Variants in A2ML1 observed in about 807,000 individuals in gnomAD.
A2ML1 encodes the protein alpha-2-macroglobulin-like protein 1.
Under a neutral mutation model 181.9 loss-of-function variants are expected in A2ML1, and 161 were observed. The ratio of observed to expected loss-of-function variants is 0.89; its 90% confidence interval spans 0.78 to 1.01. The LOEUF is 1.01. Ranked by LOEUF, A2ML1 falls within the 50% of genes least tolerant of loss-of-function variation. A2ML1 has a pLI of 0.00. For missense variants in A2ML1, 1,670 were observed against 1,768.1 expected (o/e 0.94, Z 1.00); for synonymous variants, 663 against 666.8 (o/e 0.99, Z 0.09).
chr12:8,837,647 C>G, intron 8 of A2ML1, 81 bp downstream of exon 8: 1 of 1,427,148 alleles, frequency 7.0e-7, no homozygotes, highest in Non-Finnish European at 9.4e-7. Context: ...TTTGGGAGGC[C>G]GAGATGGGCG....
intron 26 of A2ML1, 105 bp downstream of exon 26, chr12:8,858,207 C>A: frequency 7.5e-7 from 1 of 1,337,866 alleles, no homozygotes; most frequent in Non-Finnish European, 1.0e-6. Flanking sequence ...CAGTTTTCTC[C>A]TGATCTCCAC....
intron 11 of A2ML1, among the ~76,000 whole-genome samples, 179 bp downstream of exon 11, chr12:8,841,715 A>C (rs1196264276): frequency 6.6e-6 from 1 of 152,180 alleles, no homozygotes; most frequent in African/African-American, 2.4e-5. Context: ...AATATCAATC[A>C]AATAAATAGT....
rs1051881399 is a variant in A2ML1 at position 8,823,246 on chromosome 12, C to T, written c.127C>T (p.Leu43=). 2.5e-6 allele frequency: 4 copies of T among 1,614,118 alleles called. No individual in the cohort carries two copies. Among genetic ancestry groups the T allele is most frequent in the Non-Finnish European group, 3.4e-6 (4 of 1,180,026 alleles). ...CTCCGTTCAGAAGGTTTGTTTGGACCTGAGCCCTGGGTACAGTGATGTTAA... is the reference window on the plus strand; with the variant it reads ...CTCCGTTCAGAAGGTTTGTTTGGACTTGAGCCCTGGGTACAGTGATGTTAA... ...FPSVQKVCLD[L]SPGYSDVKFT... is the part of the protein sequence containing the mutation. Residue 43 remains leucine, a synonymous_variant, in exon 2 of 36, where the codon CTG becomes TTG. Transcript: ENST00000299698.
At chr12:8,837,804 C>T (rs1381670959) in intron 8 of A2ML1, among the ~76,000 whole-genome samples, 8 of 150,842 alleles carry the variant, frequency 5.3e-5, no homozygotes, top group Non-Finnish European at 5.9e-5. Flanking sequence ...CACTTGAACC[C>T]GGGAGGCGGA....
At position 8,843,369 on chromosome 12, in the gene A2ML1, C is replaced by G. The variant is rs75676135; in HGVS notation, c.1476+8C>G. The stretch of plus-strand genomic sequence containing the variant: ...ATCAGCTTCTCCTACTATGTGAGAC[C>G]GGGAAACGGGGACGGGTGAGAGTAT... On this transcript the variant is annotated splice_region_variant and intron_variant, in intron 12 of 35. Coordinates refer to ENST00000299698, the MANE Select transcript of A2ML1 (RefSeq NM_144670.6). The G allele has an allele frequency of 4.1e-4, 665 of 1,611,082 alleles. 5 individuals carry two copies. In the East Asian group the frequency reaches 0.012, roughly 30 times the overall value.
At chr12:8,849,640 T>C (rs781061749) in intron 16 of A2ML1, 29 bp from the exon 17 acceptor site, 1 of 1,594,246 alleles carries the variant, frequency 6.3e-7, no homozygotes, top group South Asian at 1.1e-5. Context: ...AGGGACCACC[T>C]TAATACTTAT....
At chr12:8,823,502 C>T in intron 2 of A2ML1, 137 bp downstream of exon 2, 7 of 1,130,272 alleles carry the variant, frequency 6.2e-6, no homozygotes, top group Non-Finnish European at 8.7e-6. Flanking sequence ...AACTTAACCT[C>T]AATCCCCGGC....
At position 8,836,254 on chromosome 12, in the gene A2ML1, G is replaced by A. The variant is rs770435207; in HGVS notation, c.644-1G>A. 2 of 1,613,786 alleles carry A rather than the reference G, an allele frequency of 1.2e-6. No individual in the cohort carries two copies. Among genetic ancestry groups the A allele is most frequent in the Non-Finnish European group, 1.7e-6 (2 of 1,179,812 alleles). The stretch of plus-strand genomic sequence containing the variant: ...TCCATTTCTCCTTTTACTCTCTTCA[G>A]TGCTGCCGAAGTTTAAGGTGGAAGT... On this transcript the variant is annotated splice_acceptor_variant, in intron 6 of 35. Transcript: ENST00000299698. LOFTEE classifies it high-confidence loss of function.
At chr12:8,858,362 C>T (rs997007079) in intron 26 of A2ML1, 17 of 325,502 alleles carry the variant, frequency 5.2e-5, no homozygotes, top group East Asian at 3.7e-4. Flanking sequence ...GCGGGCAGAT[C>T]GTTTGGGCCC....
intron 23 of A2ML1, among the ~76,000 whole-genome samples, chr12:8,856,179 T>C (rs758340814): frequency 6.6e-6 from 1 of 152,318 alleles, no homozygotes; most frequent in Admixed American, 6.5e-5. Context: ...ATATCTAGCA[T>C]GTAGTAGGAG....
chr12:8,837,663 C>T (rs1037089059), intron 8 of A2ML1, 97 bp downstream of exon 8: 34 of 1,360,178 alleles, frequency 2.5e-5, no homozygotes, highest in Admixed American at 1.4e-4. Context: ...GGGCGGATCA[C>T]GAGGTCAGGA....
rs984025359 is a variant in A2ML1 at position 8,852,577 on chromosome 12, A to T, written c.2590+241A>T. ...GAGAGCTTTTAATATTTATAGCTGG[A>T]CAAGGAATACATGGTCATGTAACTA... On this transcript the variant is annotated intron_variant, in intron 20 of 35. Coordinates refer to ENST00000299698, the MANE Select transcript of A2ML1 (RefSeq NM_144670.6). This position sits in a 1 kb window ranked among gnomAD's most constrained non-coding sequence, Gnocchi z 4.2. Among the ~76,000 whole-genome samples, 1 of 152,254 alleles carries T rather than the reference A, an allele frequency of 6.6e-6. No individual in the cohort carries two copies. Among genetic ancestry groups the T allele is most frequent in the African/African-American group, 2.4e-5 (1 of 41,468 alleles).
At chr12:8,823,652 G>T in intron 2 of A2ML1, 68 bp from the exon 3 acceptor site, 1 of 1,535,560 alleles carries the variant, frequency 6.5e-7, no homozygotes, top group Non-Finnish European at 8.8e-7. Context: ...CTCACTGTTG[G>T]GTTGAGACCA....
intron 13 of A2ML1, 34 bp from the exon 14 acceptor site, chr12:8,846,043 C>T: frequency 6.2e-7 from 1 of 1,611,234 alleles, no homozygotes. Context: ...AATGTGCATT[C>T]TGATTTTCCT....
chr12:8,859,659 A>C (rs866824901), intron 26 of A2ML1, among the ~76,000 whole-genome samples: 2 of 151,484 alleles, frequency 1.3e-5, no homozygotes, highest in Non-Finnish European at 2.9e-5. Context: ...TGCAACCTCT[A>C]CCTCCTGGGT....
intron 17 of A2ML1, 48 bp downstream of exon 17, chr12:8,849,807 T>G: frequency 1.3e-6 from 2 of 1,558,448 alleles, no homozygotes; most frequent in Non-Finnish European, 1.8e-6. Flanking sequence ...TTAACAGTCC[T>G]GGAACTCTGC....
downstream of A2ML1, among the ~76,000 whole-genome samples, chr12:8,881,629 T>C (rs1944871429): frequency 6.6e-6 from 1 of 152,240 alleles, no homozygotes; most frequent in Non-Finnish European, 1.5e-5. Context: ...TGGACTGGCA[T>C]ATTTTGATCC....
chr12:8,882,469 C>T (rs967851050), intron 7 of A2ML1, among the ~76,000 whole-genome samples: 11 of 152,340 alleles, frequency 7.2e-5, no homozygotes, highest in Middle Eastern at 3.4e-3. Context: ...AGAGAACTTT[C>T]TATCCTTCTT....
At chr12:8,863,104 CTTTT>C (rs10572999) in intron 28 of A2ML1, among the ~76,000 whole-genome samples, 2 of 139,834 alleles carry the variant, frequency 1.4e-5, no homozygotes, top group African/African-American at 2.6e-5. Context: ...AATGTTAAAT[CTTTT>C]TTTTTTTTTT....
Sources: gnomAD v4.1 joint callset for allele counts (sites outside exome capture counted in the v4.1 genomes callset) on GRCh38, gnomAD v4.1.1 for gene constraint, Gnocchi (gnomAD v3.1) non-coding constraint, MANE v1.5 for transcripts, NCBI Gene and HGNC (gene_info 2026-07-23, HGNC 2026-07-21) for gene names.